USP36: variants seen among roughly 807,000 people sequenced by gnomAD.
USP36 encodes the protein ubiquitin carboxyl-terminal hydrolase 36.
USP36 carries 59 observed loss-of-function variants against 111.5 expected under a neutral mutation model. That is an observed-to-expected ratio of 0.53 (90% CI 0.43 to 0.66). USP36 has a LOEUF of 0.66. Among genes scored for constraint, USP36 ranks in the 30% least tolerant of loss-of-function variants. The pLI is 0.00. For missense variants in USP36, 1,488 were observed against 1,468.0 expected (o/e 1.01, Z -0.22); for synonymous variants, 628 against 581.0 (o/e 1.08, Z -1.16).
chr17:78,825,015 G>A (rs1249618727), intron 6 of USP36, among the ~76,000 whole-genome samples: 2 of 152,184 alleles, frequency 1.3e-5, no homozygotes, highest in Non-Finnish European at 2.9e-5. Flanking sequence ...AGCAAAACTA[G>A]AGGAGATGCA....
intron 10 of USP36, among the ~76,000 whole-genome samples, chr17:78,817,124 A>G (rs1444064105): frequency 6.6e-6 from 1 of 152,220 alleles, no homozygotes; most frequent in Non-Finnish European, 1.5e-5. Context: ...TTGTGTTGCA[A>G]CTGCCTACAG....
At chr17:78,817,527 G>C (rs1319171161) in intron 10 of USP36, among the ~76,000 whole-genome samples, 1 of 152,110 alleles carries the variant, frequency 6.6e-6, no homozygotes, top group Non-Finnish European at 1.5e-5. Flanking sequence ...GGCTGAGGCA[G>C]GCGGATCACC....
intron 13 of USP36, among the ~76,000 whole-genome samples, chr17:78,811,354 T>G (rs1234267260): frequency 6.6e-6 from 1 of 152,198 alleles, no homozygotes; most frequent in African/African-American, 2.4e-5. Flanking sequence ...TCTCTCTGTA[T>G]GTATATGTAC....
rs550974367 is a variant in USP36, at chr17:78,816,388, G to A, written c.1024-1836C>T. ...CACCTATAATCCCAACACTTTGGGAGGCCGAGGTGGGTGGATCACTTGAGG... is the reference window on the plus strand; with the variant it reads ...CACCTATAATCCCAACACTTTGGGAAGCCGAGGTGGGTGGATCACTTGAGG... On this transcript the variant is annotated intron_variant, in intron 10 of 20. Transcript: ENST00000449938. Among the ~76,000 whole-genome samples, 21 of 152,136 alleles carry A rather than the reference G, an allele frequency of 1.4e-4. No individual in the cohort carries two copies. The South Asian group carries it at 4.4e-3, about 32-fold the overall frequency.
At chr17:78,813,044 A>C (rs979489450) in intron 12 of USP36, 43 bp from the exon 13 acceptor site, 2 of 1,610,992 alleles carry the variant, frequency 1.2e-6, no homozygotes, top group Non-Finnish European at 8.5e-7. Context: ...CTTACTAGGC[A>C]TTACAGAAAC....
intron 6 of USP36, among the ~76,000 whole-genome samples, chr17:78,822,718 T>G (rs190588138): frequency 6.6e-6 from 1 of 152,262 alleles, no homozygotes; most frequent in South Asian, 2.1e-4. Flanking sequence ...CGCTGGAAGG[T>G]TCTGAAACAA....
chr17:78,820,162 G>C (rs1259765194), intron 8 of USP36, 150 bp from the exon 9 acceptor site: 2 of 692,620 alleles, frequency 2.9e-6, no homozygotes, highest in Non-Finnish European at 4.9e-6. Context: ...GCCAGATTGG[G>C]ACTCCTTCTC....
chr17:78,841,051 C>G, upstream of USP36: 1 of 152,278 alleles, frequency 6.6e-6, no homozygotes, highest in East Asian at 1.9e-4. Context: ...GCTCCCGCCC[C>G]TGTGCCGCGG....
chr17:78,791,129 CTTTTTTT>C (rs10522788), downstream of USP36, among the ~76,000 whole-genome samples: 10 of 121,232 alleles, frequency 8.2e-5, no homozygotes, highest in Admixed American at 3.1e-4. Flanking sequence ...ATCTGGCCTT[CTTTTTTT>C]TTTTTTTTTT....
rs765247353 is a variant in USP36, at chr17:78,799,712, G to C, written c.3079C>G (p.Gln1027Glu). The C allele has an allele frequency of 3.7e-6, 6 of 1,613,130 alleles. No homozygotes were observed. The highest frequency in any genetic ancestry group is 1.6e-4 in the Middle Eastern group (1 of 6,062). The change falls in exon 18 of 21, where the codon CAG becomes GAG. Residue 1027 changes from glutamine (Q) to glutamate (E), a missense_variant. Physicochemically the swap from Gln to Glu is conservative, Grantham distance 29. Transcript: ENST00000449938. ...TCAGATGAGTATTTGAGCAGTTCCTGGACCACATCAGACTCCCGCTCTCCA... is the reference window on the plus strand; with the variant it reads ...TCAGATGAGTATTTGAGCAGTTCCTCGACCACATCAGACTCCCGCTCTCCA... ...WNGERESDVV[Q>E]ELLKYSSDKA...
In USP36 at chr17:78,806,144, C is replaced by G; in HGVS notation, c.2216+12G>C. On this transcript the variant is annotated intron_variant, in intron 15 of 20. Transcript: ENST00000449938. ...CCAGTTGGCACCCAGAAGATCCCGG[C>G]CCAAAGCTTACCTGGCTCTATGGAC... 1 of 1,612,906 alleles carries G rather than the reference C, an allele frequency of 6.2e-7. No individual in the cohort carries two copies. Among genetic ancestry groups the G allele is most frequent in the Non-Finnish European group, 8.5e-7 (1 of 1,179,802 alleles).
intron 9 of USP36, among the ~76,000 whole-genome samples, chr17:78,819,364 G>T (rs1422688032): frequency 6.6e-6 from 1 of 152,220 alleles, no homozygotes; most frequent in African/African-American, 2.4e-5. Context: ...CTGAGTTCAG[G>T]AGTTCGAGAC....
At chr17:78,793,666 C>A (rs1567898823), downstream of USP36, among the ~76,000 whole-genome samples, 1 of 152,166 alleles carries the variant, frequency 6.6e-6, no homozygotes, top group Non-Finnish European at 1.5e-5. Flanking sequence ...CCCACATCCT[C>A]ATTGCGCTGA....
rs1241123684 is a variant in USP36 at position 78,796,215 on chromosome 17, CA to C, written c.*1684del. On this transcript the variant is annotated 3_prime_UTR_variant, in exon 21 of 21. Coordinates refer to ENST00000449938, the MANE Select transcript of USP36 (RefSeq NM_001385174.1). ...ACGAGATAAATTCTGTGCCAGCAGA[CA>C]ACTAACATTTTCAACTACAGAACAT... 6.6e-6 allele frequency: 1 copy of C among 152,164 alleles called. No individual in the cohort carries two copies. The highest frequency in any genetic ancestry group is 1.5e-5 in the Non-Finnish European group (1 of 68,060). The allele number at this position is 152,164 out of a possible 1,614,324, so 9.4% of individuals were successfully genotyped here.
intron 5 of USP36, among the ~76,000 whole-genome samples, chr17:78,828,640 A>G (rs2067797895): frequency 6.6e-6 from 1 of 152,080 alleles, no homozygotes; most frequent in Admixed American, 6.6e-5. Flanking sequence ...GACTTCATCC[A>G]TGACTCACTC....
At chr17:78,820,546 T>C (rs2094294577) in intron 8 of USP36, among the ~76,000 whole-genome samples, 1 of 152,192 alleles carries the variant, frequency 6.6e-6, no homozygotes, top group African/African-American at 2.4e-5. Flanking sequence ...CAGGATGATC[T>C]TGTAGCTGGA....
chr17:78,820,287 A>G (rs894933185), intron 8 of USP36, among the ~76,000 whole-genome samples: 5 of 152,170 alleles, frequency 3.3e-5, no homozygotes, highest in Admixed American at 6.5e-5. Context: ...AAGCCTGGGC[A>G]ACATAGCAAG....
At chr17:78,818,032 C>T (rs1045412389) in intron 10 of USP36, among the ~76,000 whole-genome samples, 5 of 152,128 alleles carry the variant, frequency 3.3e-5, no homozygotes, top group Admixed American at 1.3e-4. Context: ...CTGTAGTGAG[C>T]GCTGATTATG....
chr17:78,829,620 A>T (rs2067893677), intron 4 of USP36, among the ~76,000 whole-genome samples: 1 of 152,248 alleles, frequency 6.6e-6, no homozygotes, highest in South Asian at 2.1e-4. Flanking sequence ...AGCCATAGAC[A>T]ATATATGAAC....
Sources: allele counts gnomAD v4.1 joint callset (sites outside exome capture counted in the v4.1 genomes callset), GRCh38; gene constraint gnomAD v4.1.1; transcripts MANE v1.5; gene names NCBI Gene and HGNC (gene_info 2026-07-23, HGNC 2026-07-21).